The following AK5 variants were observed in gnomAD, a reference collection of about 807,000 sequenced individuals.
AK5 encodes the protein adenylate kinase 5.
AK5 carries 27 observed loss-of-function variants against 69.5 expected under a neutral mutation model. The observed-to-expected ratio is 0.39, with a 90% confidence interval of 0.29 to 0.54. AK5 has a LOEUF of 0.54. Ranked by LOEUF, AK5 falls within the 20% of genes least tolerant of loss-of-function variation. AK5 has a pLI of 0.71. For synonymous variants in AK5, 260 were observed against 244.4 expected (o/e 1.06, Z -0.60); for missense variants, 531 against 700.4 (o/e 0.76, Z 2.73).
At chr1:77,437,102 G>C (rs1367906791) in intron 8 of AK5, among the ~76,000 whole-genome samples, 2 of 152,028 alleles carry the variant, frequency 1.3e-5, no homozygotes, top group Non-Finnish European at 2.9e-5. Context: ...ACAAATCTTT[G>C]CTGACAATTC....
At chr1:77,338,965 C>CA (rs59475314) in intron 5 of AK5, among the ~76,000 whole-genome samples, 10,224 of 151,996 alleles carry the variant, frequency 0.067, 431 homozygotes, top group Non-Finnish European at 0.085. Context: ...AGTCCTGGGG[C>CA]AAAAAAACTG....
chr1:77,475,117 CTAA>C (rs1162766128), intron 8 of AK5, among the ~76,000 whole-genome samples: 1 of 148,268 alleles, frequency 6.7e-6, no homozygotes, highest in Admixed American at 6.8e-5. Flanking sequence ...GTGTTTTATT[CTAA>C]TAATAAATCT....
chr1:77,473,782 G>A (rs1277974833), intron 8 of AK5, among the ~76,000 whole-genome samples: 1 of 152,174 alleles, frequency 6.6e-6, no homozygotes, highest in Non-Finnish European at 1.5e-5. Flanking sequence ...CTGCACATAT[G>A]TAGTTAAGTA....
chr1:77,398,271 C>T (rs1411976999), intron 6 of AK5, among the ~76,000 whole-genome samples: 1 of 152,156 alleles, frequency 6.6e-6, no homozygotes, highest in Non-Finnish European at 1.5e-5. Flanking sequence ...GTTGCTCAGG[C>T]AGCACAGCGG....
intron 6 of AK5, among the ~76,000 whole-genome samples, chr1:77,385,580 T>C (rs939871288): frequency 6.6e-6 from 1 of 152,216 alleles, no homozygotes; most frequent in Non-Finnish European, 1.5e-5. Flanking sequence ...TTCCCACTGT[T>C]CATAAATATG....
At chr1:77,425,593 A>C (rs1038473883) in intron 8 of AK5, among the ~76,000 whole-genome samples, 1 of 152,220 alleles carries the variant, frequency 6.6e-6, no homozygotes, top group African/African-American at 2.4e-5. Flanking sequence ...TCTCAAAAAA[A>C]AGAAAAGAAA....
intron 10 of AK5, among the ~76,000 whole-genome samples, chr1:77,489,786 G>A (rs1199209246): frequency 6.6e-6 from 1 of 152,134 alleles, no homozygotes; most frequent in East Asian, 1.9e-4. Flanking sequence ...TCCACAGAAA[G>A]GTCCAGACTT....
intron 6 of AK5, among the ~76,000 whole-genome samples, chr1:77,379,541 G>A (rs1483046069): frequency 2.6e-5 from 4 of 152,176 alleles, no homozygotes; most frequent in Non-Finnish European, 5.9e-5. Context: ...CATGGTGGCA[G>A]TATGATCCCC....
At chr1:77,519,250 C>A (rs770872252) in intron 11 of AK5, among the ~76,000 whole-genome samples, 8 of 152,158 alleles carry the variant, frequency 5.3e-5, no homozygotes, top group Non-Finnish European at 8.8e-5. Context: ...CCCTGCCACA[C>A]TGGGTCCCAT....
intron 5 of AK5, among the ~76,000 whole-genome samples, chr1:77,339,373 A>C (rs1251128909): frequency 6.6e-6 from 1 of 152,192 alleles, no homozygotes; most frequent in Non-Finnish European, 1.5e-5. Flanking sequence ...GCTAGTTCTA[A>C]TTTAGTTAAA....
intron 3 of AK5, among the ~76,000 whole-genome samples, chr1:77,294,840 C>T (rs934024722): frequency 6.6e-6 from 1 of 152,018 alleles, no homozygotes; most frequent in Non-Finnish European, 1.5e-5. Context: ...CCAGCCTGGT[C>T]AACATAGTGA....
chr1:77,404,359 C>T (rs1649470696), intron 6 of AK5, among the ~76,000 whole-genome samples: 1 of 152,014 alleles, frequency 6.6e-6, no homozygotes, highest in Non-Finnish European at 1.5e-5. Context: ...TGTCTCCTGC[C>T]ATTGCCACGT....
intron 3 of AK5, among the ~76,000 whole-genome samples, chr1:77,296,224 T>C (rs574030498): frequency 2.0e-5 from 3 of 152,272 alleles, no homozygotes; most frequent in African/African-American, 7.2e-5. Context: ...CACTGCAGAA[T>C]TTTTTTAAAG....
At chr1:77,402,358 A>G (rs890533366) in intron 6 of AK5, among the ~76,000 whole-genome samples, 5 of 151,956 alleles carry the variant, frequency 3.3e-5, no homozygotes, top group Admixed American at 2.0e-4. Flanking sequence ...GGTTTGTTAC[A>G]TATGTATACA....
Position 77,297,545 on chromosome 1 carries a change from G to A in AK5, c.416-14G>A. ...GTATCAGAAGATCACAGTTTTGCCT[G>A]TTTTAAATACTAGGTGGTCCAGGAA... On this transcript the variant is annotated splice_polypyrimidine_tract_variant and intron_variant, in intron 3 of 13. Transcript: ENST00000354567. The A allele has an allele frequency of 6.3e-7, 1 of 1,584,846 alleles. No individual in the cohort carries two copies.
intron 8 of AK5, among the ~76,000 whole-genome samples, chr1:77,476,805 T>C (rs551534411): frequency 6.6e-4 from 101 of 152,042 alleles, no homozygotes; most frequent in African/African-American, 2.2e-3. Flanking sequence ...TGAGATCAGA[T>C]GAGATTGCAC....
At chr1:77,300,557 G>A (rs578163898) in intron 5 of AK5, among the ~76,000 whole-genome samples, 66 of 152,154 alleles carry the variant, frequency 4.3e-4, no homozygotes, top group Non-Finnish European at 7.8e-4. Context: ...AGCTTCTGGG[G>A]TGTCTTTTTT....
chr1:77,351,140 T>C (rs892056245), intron 6 of AK5, among the ~76,000 whole-genome samples: 1 of 152,190 alleles, frequency 6.6e-6, no homozygotes, highest in Non-Finnish European at 1.5e-5. Flanking sequence ...ATGTCTGTAA[T>C]CCCAACACTT....
intron 8 of AK5, among the ~76,000 whole-genome samples, chr1:77,450,875 T>G (rs1653100777): frequency 6.6e-6 from 1 of 152,222 alleles, no homozygotes; most frequent in Non-Finnish European, 1.5e-5. Flanking sequence ...ACTTTTTTAT[T>G]ATTTATAAAA....
Sources: allele counts gnomAD v4.1 joint callset (sites outside exome capture counted in the v4.1 genomes callset), GRCh38; gene constraint gnomAD v4.1.1; transcripts MANE v1.5; gene names NCBI Gene and HGNC (gene_info 2026-07-23, HGNC 2026-07-21).